PTPRD: variants seen among roughly 807,000 people sequenced by gnomAD.
PTPRD encodes the protein protein tyrosine phosphatase receptor type D, also known as receptor-type tyrosine-protein phosphatase delta.
In PTPRD, 34 loss-of-function variants were observed where a neutral mutation model predicts 214.5. The observed-to-expected ratio is 0.16, with a 90% CI of 0.12 to 0.21. The LOEUF is 0.21. Ranked by LOEUF, PTPRD falls within the 10% of genes least tolerant of loss-of-function variation. The pLI is 1.00. For synonymous variants in PTPRD, 1,128 were observed against 845.7 expected (o/e 1.33, Z -5.79); for missense variants, 2,545 against 2,398.7 (o/e 1.06, Z -1.27).
intron 11 of PTPRD, among the ~76,000 whole-genome samples, chr9:8,895,070 C>A (rs147966849): frequency 1.1e-4 from 16 of 152,348 alleles, no homozygotes; most frequent in African/African-American, 3.4e-4. Context: ...GATTCAACTT[C>A]TGCCTTTAAG....
intron 2 of PTPRD, among the ~76,000 whole-genome samples, chr9:10,341,652 TGATA>T (rs2096941562): frequency 6.6e-6 from 1 of 151,986 alleles, no homozygotes; most frequent in Admixed American, 6.6e-5. Context: ...GCTTTAGAGT[TGATA>T]GATGGTTTTA....
At chr9:9,414,924 T>G (rs1049314801) in intron 8 of PTPRD, 4 of 152,222 alleles carry the variant, frequency 2.6e-5, no homozygotes, top group African/African-American at 9.6e-5. Flanking sequence ...GCATATGACG[T>G]ATGTGATCAC....
chr9:10,043,454 A>T (rs950874498), intron 3 of PTPRD, among the ~76,000 whole-genome samples: 1 of 151,824 alleles, frequency 6.6e-6, no homozygotes, highest in African/African-American at 2.4e-5. Context: ...ACTCCTGGTA[A>T]AGGAGTAAAA....
At chr9:8,846,690 C>T in intron 11 of PTPRD, among the ~76,000 whole-genome samples, 1 of 152,082 alleles carries the variant, frequency 6.6e-6, no homozygotes, top group South Asian at 2.1e-4. Flanking sequence ...ATCTGGGAAA[C>T]AGCAAATACT....
Position 8,504,292 on chromosome 9 carries a change from A to C in PTPRD, c.1791T>G (p.Thr597=). The change falls in exon 23 of 46, where the codon ACT becomes ACG. Residue 597 remains threonine (T), a synonymous_variant. Coordinates refer to ENST00000381196, the MANE Select transcript of PTPRD (RefSeq NM_002839.4). ...GCATGGTTCTAGCTGATATTTCTGCAGTAGAAGCACCCAGGCCTTGAGGGG... is the reference window on the plus strand; with the variant it reads ...GCATGGTTCTAGCTGATATTTCTGCCGTAGAAGCACCCAGGCCTTGAGGGG... ...ARSPQGLGAS[T]AEISARTMQS... 1 of 1,614,206 alleles carries C rather than the reference A, an allele frequency of 6.2e-7. No homozygotes were observed. Among genetic ancestry groups the C allele is most frequent in the Non-Finnish European group, 8.5e-7 (1 of 1,180,004 alleles).
In PTPRD at chr9:9,148,104, A is replaced by C. The variant is rs2099871710; in HGVS notation, c.-143+35200T>G. On this transcript the variant is annotated intron_variant, in intron 10 of 45. Coordinates refer to ENST00000381196, the MANE Select transcript of PTPRD (RefSeq NM_002839.4). ...GCTTTTGTATTGCATTTGCAAGAAA[A>C]ACATACAAAAATAAAGAAGAAAATT... Among the ~76,000 whole-genome samples the C allele has an allele frequency of 4.6e-5, 7 of 152,240 alleles. No individual in the cohort carries two copies. The South Asian group carries it at 1.4e-3, about 31-fold the overall frequency.
chr9:8,525,033 C>CTCCT lies in PTPRD; in HGVS notation c.569-2_570dup (p.Ala191ArgfsTer6). The CTCCT allele has an allele frequency of 6.2e-7, 1 of 1,611,492 alleles. No individual in the cohort carries two copies. Among genetic ancestry groups the CTCCT allele is most frequent in the Non-Finnish European group, 8.5e-7 (1 of 1,177,792 alleles). On this transcript the variant is annotated frameshift_variant and splice_region_variant, in exon 18 of 46. Coordinates refer to ENST00000381196, the MANE Select transcript of PTPRD (RefSeq NM_002839.4). LOFTEE classifies it high-confidence loss of function. Reference sequence around the variant, plus strand: ...TCTTCACTCTGCTCAATCTGAAGGGCTCCTGTATGGATATAAAATATATTG... The same window carrying CTCCT: ...TCTTCACTCTGCTCAATCTGAAGGGCTCCTTCCTGTATGGATATAAAATATATTG...
At chr9:8,555,335 A>C (rs2083404144) in intron 14 of PTPRD, among the ~76,000 whole-genome samples, 1 of 152,174 alleles carries the variant, frequency 6.6e-6, no homozygotes, top group Non-Finnish European at 1.5e-5. Flanking sequence ...CGAGCACAGG[A>C]GGACAAAGCT....
intron 6 of PTPRD, among the ~76,000 whole-genome samples, chr9:9,755,047 C>T (rs977184356): frequency 6.6e-6 from 1 of 151,932 alleles, no homozygotes; most frequent in African/African-American, 2.4e-5. Flanking sequence ...CCACAGACCC[C>T]ATTCTGGATT....
At chr9:9,876,852 T>A (rs1013743285) in intron 5 of PTPRD, among the ~76,000 whole-genome samples, 6 of 152,192 alleles carry the variant, frequency 3.9e-5, no homozygotes. Context: ...CATGTTTTTA[T>A]GACAAACTGT....
At chr9:9,937,162 A>C (rs1566515586) in intron 5 of PTPRD, among the ~76,000 whole-genome samples, 1 of 152,096 alleles carries the variant, frequency 6.6e-6, no homozygotes. Flanking sequence ...CCAGCATGGC[A>C]CATGTATACA....
At chr9:8,519,546 A>G (rs544291632) in intron 20 of PTPRD, among the ~76,000 whole-genome samples, 39 of 152,296 alleles carry the variant, frequency 2.6e-4, no homozygotes, top group African/African-American at 7.5e-4. Context: ...GGCAAGAAGT[A>G]TAACACCCCC....
chr9:8,529,611 T>C (rs893107580), intron 14 of PTPRD, among the ~76,000 whole-genome samples: 2 of 152,274 alleles, frequency 1.3e-5, no homozygotes, highest in Admixed American at 6.5e-5. Flanking sequence ...CTGTTCCAGA[T>C]CCCAGCTCTT....
intron 6 of PTPRD, among the ~76,000 whole-genome samples, chr9:9,757,404 G>A (rs1390614163): frequency 6.6e-6 from 1 of 152,056 alleles, no homozygotes; most frequent in Non-Finnish European, 1.5e-5. Context: ...TCTTTCATAA[G>A]CAACTGAAAA....
At chr9:9,440,250 T>C (rs1426332131) in intron 8 of PTPRD, among the ~76,000 whole-genome samples, 1 of 152,242 alleles carries the variant, frequency 6.6e-6, no homozygotes, top group East Asian at 1.9e-4. Flanking sequence ...TTGGAATGTT[T>C]ATCAAATTTG....
At position 10,394,036 on chromosome 9, in the gene PTPRD, T is replaced by C. The variant is rs896789882; in HGVS notation, c.-599-53019A>G. Reference sequence around the variant, plus strand: ...TACAGAAGAAGAGACAAACAATAAATAGATACCCATATATACATATTATAT... The same window carrying C: ...TACAGAAGAAGAGACAAACAATAAACAGATACCCATATATACATATTATAT... On this transcript the variant is annotated intron_variant, in intron 2 of 45. Transcript: ENST00000381196. Among the ~76,000 whole-genome samples the C allele has an allele frequency of 7.5e-5, 11 of 145,774 alleles. No individual in the cohort carries two copies. The East Asian group carries it at 2.2e-3, about 29-fold the overall frequency.
intron 2 of PTPRD, among the ~76,000 whole-genome samples, chr9:10,599,002 G>T (rs780158336): frequency 1.3e-5 from 2 of 151,588 alleles, no homozygotes; most frequent in Non-Finnish European, 3.0e-5. Context: ...CAACTAAACA[G>T]CTATGGGACT....
chr9:8,971,997 C>A (rs1294813239), intron 11 of PTPRD, among the ~76,000 whole-genome samples: 1 of 151,592 alleles, frequency 6.6e-6, no homozygotes, highest in Admixed American at 6.6e-5. Context: ...ACTCTTATCA[C>A]AAAATTTAAA....
At chr9:9,630,846 G>A (rs1401178492) in intron 7 of PTPRD, among the ~76,000 whole-genome samples, 1 of 152,090 alleles carries the variant, frequency 6.6e-6, no homozygotes, top group Non-Finnish European at 1.5e-5. Flanking sequence ...TATTTCCCAG[G>A]ACGTAGAATG....
Sources: gnomAD v4.1 joint callset for allele counts (sites outside exome capture counted in the v4.1 genomes callset) on GRCh38, gnomAD v4.1.1 for gene constraint, MANE v1.5 for transcripts, NCBI Gene and HGNC (gene_info 2026-07-23, HGNC 2026-07-21) for gene names.